The following CADPS variants were observed in gnomAD, a reference collection of about 807,000 sequenced individuals.
The protein encoded by CADPS is calcium-dependent secretion activator 1.
CADPS carries 57 observed loss-of-function variants against 167.3 expected under a neutral mutation model. The observed-to-expected ratio is 0.34, with a 90% CI of 0.28 to 0.42. CADPS has a LOEUF of 0.42. Among genes scored for constraint, CADPS ranks in the 20% least tolerant of loss-of-function variants. The pLI, the probability that CADPS is intolerant of heterozygous loss-of-function variation, is 1.00. For synonymous variants in CADPS, 676 were observed against 635.3 expected (o/e 1.06, Z -0.96); for missense variants, 1,414 against 1,738.1 (o/e 0.81, Z 3.32).
At chr3:62,784,759 AAC>A (rs1491445511) in intron 1 of CADPS, among the ~76,000 whole-genome samples, 4,765 of 23,194 alleles carry the variant, frequency 0.21, 90 homozygotes, top group East Asian at 0.35. Flanking sequence ...TGCAAGCAAA[AAC>A]AAAAAAAAAA....
chr3:62,779,265 G>A, intron 1 of CADPS: 1 of 347,594 alleles, frequency 2.9e-6, no homozygotes, highest in Non-Finnish European at 5.8e-6. Flanking sequence ...CTGCCTTCTG[G>A]CCTTTTGCTT....
chr3:62,502,493 CAAT>C (rs1466262024), intron 17 of CADPS, among the ~76,000 whole-genome samples: 5 of 152,166 alleles, frequency 3.3e-5, no homozygotes, highest in Admixed American at 6.5e-5. Context: ...TACGCAACAA[CAAT>C]GTTATTTTGT....
At chr3:62,710,104 G>A (rs766877086) in intron 3 of CADPS, among the ~76,000 whole-genome samples, 58 of 152,182 alleles carry the variant, frequency 3.8e-4, no homozygotes, top group Non-Finnish European at 2.4e-4. Context: ...ATCTAATAAA[G>A]TAATTATTAC....
At chr3:62,776,312 G>C (rs2090284372) in intron 1 of CADPS, among the ~76,000 whole-genome samples, 1 of 152,184 alleles carries the variant, frequency 6.6e-6, no homozygotes, top group Admixed American at 6.5e-5. Flanking sequence ...TCAAAGAATG[G>C]TGGGAAAGCA....
At chr3:62,621,635 C>T (rs2063181890) in intron 6 of CADPS, among the ~76,000 whole-genome samples, 1 of 152,060 alleles carries the variant, frequency 6.6e-6, no homozygotes, top group Non-Finnish European at 1.5e-5. Context: ...AGGTTACTTA[C>T]ACAGGTAAAC....
intron 1 of CADPS, among the ~76,000 whole-genome samples, chr3:62,846,531 A>G (rs777438938): frequency 1.3e-5 from 2 of 152,212 alleles, no homozygotes; most frequent in Non-Finnish European, 2.9e-5. Context: ...TCTGAAGTAC[A>G]GTCATGAGGA....
chr3:62,445,877 G>T, intron 26 of CADPS, 80 bp from the exon 27 acceptor site: 2 of 969,140 alleles, frequency 2.1e-6, no homozygotes, highest in East Asian at 2.9e-5. Flanking sequence ...ATCCCCATCA[G>T]AATCAAAACA....
At chr3:62,546,628 A>T (rs535070321) in intron 11 of CADPS, among the ~76,000 whole-genome samples, 1 of 152,302 alleles carries the variant, frequency 6.6e-6, no homozygotes, top group Admixed American at 6.5e-5. Flanking sequence ...CCAGCGGTGG[A>T]TTGAAAATAT....
intron 9 of CADPS, among the ~76,000 whole-genome samples, chr3:62,563,602 C>G (rs751060994): frequency 1.3e-5 from 2 of 152,120 alleles, no homozygotes; most frequent in African/African-American, 4.8e-5. Context: ...TGAGTAAGTT[C>G]TTTAGTGGTG....
Position 62,412,146 on chromosome 3 carries a change from AT to A in CADPS, c.3778-8962del, listed in dbSNP as rs60203483. Among the ~76,000 whole-genome samples the A allele has an allele frequency of 0.027, 3,820 of 140,436 alleles. 46 individuals carry two copies. The highest frequency in any genetic ancestry group is 0.051 in the South Asian group (222 of 4,338). 92.1% of individuals were successfully genotyped at this position (140,436 alleles called of 152,430 possible). On this transcript the variant is annotated intron_variant, in intron 28 of 29. Transcript: ENST00000383710. The surrounding 1 kb of genome is among the most constrained non-coding windows in gnomAD (Gnocchi z 4.1). ...AGTGTCATTTTTAGTTGAGGGTAGG[AT>A]TTTTTTTTTTTTTTTTTAACGTCCG...
At chr3:62,675,834 C>T (rs1015149663) in intron 3 of CADPS, among the ~76,000 whole-genome samples, 5 of 152,070 alleles carry the variant, frequency 3.3e-5, no homozygotes, top group African/African-American at 1.2e-4. Flanking sequence ...TTAGGTAGTT[C>T]ACCTGCTTAT....
At chr3:62,445,860 A>G in intron 26 of CADPS, 63 bp from the exon 27 acceptor site, 1 of 1,169,522 alleles carries the variant, frequency 8.6e-7, no homozygotes, top group Non-Finnish European at 1.2e-6. Flanking sequence ...TCACTGCTCA[A>G]TGCTGTATCC....
intron 1 of CADPS, among the ~76,000 whole-genome samples, chr3:62,818,181 G>A (rs1364213231): frequency 4.6e-5 from 7 of 152,120 alleles, no homozygotes; most frequent in Admixed American, 4.6e-4. Flanking sequence ...AGTTATGGCT[G>A]CCAGATACAG....
At chr3:62,772,251 G>C (rs2089053414) in intron 1 of CADPS, among the ~76,000 whole-genome samples, 1 of 151,900 alleles carries the variant, frequency 6.6e-6, no homozygotes, top group South Asian at 2.1e-4. Context: ...TCACTGATGT[G>C]GTATTCCTTA....
At chr3:62,816,429 C>T (rs533350861) in intron 1 of CADPS, among the ~76,000 whole-genome samples, 1 of 151,972 alleles carries the variant, frequency 6.6e-6, no homozygotes, top group Non-Finnish European at 1.5e-5. Context: ...TGTGTTAAAA[C>T]AACTTCATTT....
intron 13 of CADPS, among the ~76,000 whole-genome samples, chr3:62,526,299 A>T (rs937116936): frequency 2.6e-5 from 4 of 152,148 alleles, no homozygotes; most frequent in African/African-American, 7.2e-5. Flanking sequence ...CATCTGCTTT[A>T]CTCATTAATC....
chr3:62,649,280 A>T (rs767283900), intron 5 of CADPS, among the ~76,000 whole-genome samples: 1 of 151,882 alleles, frequency 6.6e-6, no homozygotes, highest in Non-Finnish European at 1.5e-5. Flanking sequence ...CCTGTCTAGA[A>T]TTTTTTTTCT....
chr3:62,759,854 T>A (rs1284651532), intron 2 of CADPS, among the ~76,000 whole-genome samples: 1 of 152,168 alleles, frequency 6.6e-6, no homozygotes, highest in Non-Finnish European at 1.5e-5. Context: ...AAACACATCT[T>A]TTCTACCTGG....
chr3:62,477,341 A>G (rs61109174), intron 23 of CADPS, among the ~76,000 whole-genome samples: 1,538 of 151,874 alleles, frequency 0.01, 29 homozygotes, highest in African/African-American at 0.035. Flanking sequence ...AATGAGGAAA[A>G]ATAATGCAAC....
Sources: gnomAD v4.1 joint callset for allele counts (sites outside exome capture counted in the v4.1 genomes callset) on GRCh38, gnomAD v4.1.1 for gene constraint, Gnocchi (gnomAD v3.1) non-coding constraint, MANE v1.5 for transcripts, NCBI Gene and HGNC (gene_info 2026-07-23, HGNC 2026-07-21) for gene names.